EYA4: variants seen among roughly 807,000 people sequenced by gnomAD.
EYA4 encodes EYA transcriptional coactivator and phosphatase 4.
EYA4 carries 31 observed loss-of-function variants against 87.9 expected under a neutral mutation model. The observed-to-expected ratio is 0.35, with a 90% CI of 0.27 to 0.48. The LOEUF (loss-of-function observed/expected upper bound fraction) is 0.48, where lower values mean the gene tolerates loss of function less well. Among genes scored for constraint, EYA4 ranks in the 20% least tolerant of loss-of-function variants. The probability of loss-of-function intolerance (pLI) is 0.99; values close to 1 mark genes in which losing one functional copy is unlikely to be tolerated. For synonymous variants in EYA4, 263 were observed against 270.6 expected, an observed-to-expected ratio of 0.97 and a Z score of 0.28; for missense variants, 678 against 761.4, an observed-to-expected ratio of 0.89 and a Z score of 1.29.
chr6:133,337,717 CTT>C (rs1273699199), intron 2 of EYA4, among the ~76,000 whole-genome samples: 35 of 152,052 alleles, frequency 2.3e-4, no homozygotes, highest in Admixed American at 2.0e-4. Context: ...ATAATAAACT[CTT>C]TTTAATTGCA....
At chr6:133,397,481 A>G (rs545680058) in intron 3 of EYA4, among the ~76,000 whole-genome samples, 6 of 152,304 alleles carry the variant, frequency 3.9e-5, no homozygotes, top group Admixed American at 2.6e-4. Context: ...TATTTCATGG[A>G]AAGGTTATTT....
intron 3 of EYA4, among the ~76,000 whole-genome samples, chr6:133,407,626 G>T (rs148198855): frequency 6.6e-6 from 1 of 151,900 alleles, no homozygotes; most frequent in Non-Finnish European, 1.5e-5. Flanking sequence ...AGCAGTTTTC[G>T]TCTTCTAAAT....
intron 2 of EYA4, among the ~76,000 whole-genome samples, chr6:133,367,223 A>G (rs1265252974): frequency 6.6e-6 from 1 of 152,160 alleles, no homozygotes; most frequent in Non-Finnish European, 1.5e-5. Context: ...GTAAAATCTC[A>G]GACTTTTTGT....
Position 133,515,326 on chromosome 6 carries a change from C to T in EYA4, c.1507C>T (p.Leu503Phe). 1 of 1,598,146 alleles carries T rather than the reference C, an allele frequency of 6.3e-7. No individual in the cohort carries two copies. The highest frequency in any genetic ancestry group is 8.6e-7 in the Non-Finnish European group (1 of 1,165,346). The change falls in exon 17 of 20, where the codon CTT (leucine) becomes TTT (phenylalanine). Residue 503 changes from leucine (L) to phenylalanine (F), a missense_variant. Coordinates refer to ENST00000355286, the MANE Select transcript of EYA4 (RefSeq NM_004100.5). The part of the protein sequence containing the change: ...NTYKNNVGGL[L>F]GPAKRDAWLQ... ...TTGGTTTTTTGGTGTTGCAGGACTC[C>T]TTGGCCCTGCCAAGAGGGATGCCTG... is the stretch of plus-strand genomic sequence containing the variant.
At chr6:133,525,857 G>A (rs1800595168) in intron 19 of EYA4, 5 of 970,052 alleles carry the variant, frequency 5.2e-6, no homozygotes, top group Non-Finnish European at 6.1e-6. Context: ...TACTGAAATG[G>A]GATGTATTGC....
chr6:133,390,588 A>G lies in EYA4; in HGVS notation c.83+8147A>G, dbSNP rs551799694. Among the ~76,000 whole-genome samples the G allele has an allele frequency of 3.9e-5, 6 of 152,318 alleles. No individual in the cohort carries two copies. The South Asian group carries it at 1.2e-3, about 32-fold the overall frequency. On this transcript the variant is annotated intron_variant, in intron 3 of 19. Coordinates refer to ENST00000355286, the MANE Select transcript of EYA4 (RefSeq NM_004100.5). Reference sequence around the variant, plus strand: ...CATTTTGTATTCTACCTATCGTTCCAAACTGACATAGCAGTGCATGGCTCT... The same window carrying G: ...CATTTTGTATTCTACCTATCGTTCCGAACTGACATAGCAGTGCATGGCTCT...
chr6:133,467,192 T>C (rs1341208103), intron 10 of EYA4, among the ~76,000 whole-genome samples: 2 of 152,100 alleles, frequency 1.3e-5, no homozygotes, highest in Non-Finnish European at 2.9e-5. Flanking sequence ...GTATGTAACC[T>C]CATCCTCTTC....
At chr6:133,309,743 C>G (rs1371320632) in intron 2 of EYA4, among the ~76,000 whole-genome samples, 1 of 152,160 alleles carries the variant, frequency 6.6e-6, no homozygotes, top group Non-Finnish European at 1.5e-5. Context: ...TTAAAGTTCT[C>G]TGGCACAAGG....
rs182327949 is a variant in EYA4 at position 133,450,547 on chromosome 6, A to G, written c.277+2368A>G. Among the ~76,000 whole-genome samples, 327 of 152,356 alleles carry G rather than the reference A, an allele frequency of 2.1e-3. 1 individual carries two copies. The highest frequency in any genetic ancestry group is 4.3e-3 in the South Asian group (21 of 4,830). ...AAGATGGAGTCTCACTCTGTCTACC[A>G]GGCTGGAGTGCAGTGGTGCCATCTC... is the stretch of plus-strand genomic sequence containing the variant. On this transcript the variant is annotated intron_variant, in intron 5 of 19. Transcript: ENST00000355286.
At chr6:133,409,768 G>A (rs1407646480) in intron 3 of EYA4, among the ~76,000 whole-genome samples, 2 of 152,008 alleles carry the variant, frequency 1.3e-5, no homozygotes, top group Admixed American at 1.3e-4. Flanking sequence ...CTAAAGCACT[G>A]GTGTGAAGAT....
chr6:133,335,564 A>G (rs191265610), intron 2 of EYA4, among the ~76,000 whole-genome samples: 4 of 152,348 alleles, frequency 2.6e-5, no homozygotes, highest in East Asian at 3.9e-4. Flanking sequence ...AACTGTCTTA[A>G]GTGCTGCAGA....
intron 11 of EYA4, among the ~76,000 whole-genome samples, chr6:133,473,875 C>A (rs780434614): frequency 6.6e-6 from 1 of 151,914 alleles, no homozygotes; most frequent in Non-Finnish European, 1.5e-5. Flanking sequence ...GCCCTAGGCG[C>A]CTTACTCATT....
intron 2 of EYA4, among the ~76,000 whole-genome samples, chr6:133,347,818 A>T (rs1259209082): frequency 6.6e-6 from 1 of 152,174 alleles, no homozygotes; most frequent in African/African-American, 2.4e-5. Flanking sequence ...CTGATTCTAG[A>T]TACTGCATGT....
intron 2 of EYA4, among the ~76,000 whole-genome samples, chr6:133,369,378 TAA>T (rs1406889402): frequency 6.6e-6 from 1 of 152,126 alleles, no homozygotes; most frequent in African/African-American, 2.4e-5. Context: ...TTCGTAAACA[TAA>T]AAGACTTTAT....
intron 2 of EYA4, among the ~76,000 whole-genome samples, chr6:133,359,011 G>A (rs536232657): frequency 9.9e-5 from 15 of 152,204 alleles, no homozygotes; most frequent in Non-Finnish European, 2.2e-4. Context: ...ACGAGGAAAA[G>A]AGGCCTCGTA....
intron 2 of EYA4, among the ~76,000 whole-genome samples, chr6:133,380,953 TCTCCTC>T (rs577555636): frequency 7.0e-6 from 1 of 142,786 alleles, no homozygotes; most frequent in Non-Finnish European, 1.5e-5. Flanking sequence ...CTCTTCTCCC[TCTCCTC>T]CTCCTCCTCT....
In EYA4 at chr6:133,369,064, A is replaced by G. The variant is rs141624550; in HGVS notation, c.34-13328A>G. 2.1e-4 allele frequency among the ~76,000 whole-genome samples: 32 copies of G among 152,342 alleles called. No homozygotes were observed. The East Asian group carries it at 5.8e-3, about 28-fold the overall frequency. On this transcript the variant is annotated intron_variant, in intron 2 of 19. Transcript: ENST00000355286. ...ACTCAGTGTTAGATAAACAAATTAG[A>G]GACAGGAAATGCTACACTGAAATAC...
intron 19 of EYA4, among the ~76,000 whole-genome samples, chr6:133,527,847 C>T (rs1800760185): frequency 6.6e-6 from 1 of 152,090 alleles, no homozygotes; most frequent in Non-Finnish European, 1.5e-5. Flanking sequence ...GTCATCAGCC[C>T]AAACTTAACA....
intron 2 of EYA4, among the ~76,000 whole-genome samples, chr6:133,364,629 T>C (rs1398157723): frequency 6.6e-6 from 1 of 152,242 alleles, no homozygotes; most frequent in Non-Finnish European, 1.5e-5. Context: ...AAACTGGCGG[T>C]GGTGCCTCAC....
Sources: allele counts gnomAD v4.1 joint callset (sites outside exome capture counted in the v4.1 genomes callset), GRCh38; gene constraint gnomAD v4.1.1; transcripts MANE v1.5; gene names NCBI Gene and HGNC (gene_info 2026-07-23, HGNC 2026-07-21).